GALNTL6: variants seen among roughly 807,000 people sequenced by gnomAD.
GALNTL6 encodes the protein polypeptide N-acetylgalactosaminyltransferase like 6, also known as polypeptide N-acetylgalactosaminyltransferase-like 6.
Under a neutral mutation model 73.7 loss-of-function variants are expected in GALNTL6, and 46 were observed. That is an observed-to-expected ratio of 0.62 (90% CI 0.49 to 0.80). The LOEUF is 0.80. Ranked by LOEUF, GALNTL6 falls within the 30% of genes least tolerant of loss-of-function variation. The pLI is 0.00. For missense variants in GALNTL6, 604 were observed against 755.0 expected (o/e 0.80, Z 2.34); for synonymous variants, 259 against 263.7 (o/e 0.98, Z 0.17).
intron 5 of GALNTL6, among the ~76,000 whole-genome samples, chr4:172,615,923 G>C (rs2111059574): frequency 6.6e-6 from 1 of 152,216 alleles, no homozygotes; most frequent in Non-Finnish European, 1.5e-5. Context: ...GCTAACACCT[G>C]ACTCTCTTGC....
At chr4:171,815,071 G>A (rs1311008617) in intron 2 of GALNTL6, 19 of 375,244 alleles carry the variant, frequency 5.1e-5, no homozygotes, top group Non-Finnish European at 8.5e-5. Context: ...ACAAGGATAG[G>A]TTTTTGCTTT....
chr4:172,267,970 C>T (rs1284291627), intron 3 of GALNTL6, among the ~76,000 whole-genome samples: 1 of 152,106 alleles, frequency 6.6e-6, no homozygotes, highest in East Asian at 1.9e-4. Flanking sequence ...CCAACATATG[C>T]AGTTGTTGAG....
At chr4:171,875,886 G>T (rs780070619) in intron 2 of GALNTL6, among the ~76,000 whole-genome samples, 1 of 151,394 alleles carries the variant, frequency 6.6e-6, no homozygotes, top group Admixed American at 6.6e-5. Flanking sequence ...TAAGATTACA[G>T]ACTAAAACCC....
chr4:172,230,709 A>G (rs1560980891), intron 3 of GALNTL6, among the ~76,000 whole-genome samples: 1 of 152,304 alleles, frequency 6.6e-6, no homozygotes, highest in East Asian at 1.9e-4. Context: ...AACTCATGAT[A>G]GGAAGCCCAT....
intron 10 of GALNTL6, among the ~76,000 whole-genome samples, chr4:172,962,360 T>G (rs1312027840): frequency 6.6e-6 from 1 of 152,224 alleles, no homozygotes; most frequent in Non-Finnish European, 1.5e-5. Context: ...GTAATTAACA[T>G]TAGTATAATA....
In GALNTL6 at chr4:172,708,837, CT is replaced by C. The variant is rs1000764166; in HGVS notation, c.554-100517del. On this transcript the variant is annotated intron_variant, in intron 5 of 12. Transcript: ENST00000506823. ...TGTGAAAAATCTTCATCCAAGTTTT[CT>C]TTTTTTCCAATTCAGATCTCTTTCA... Among the ~76,000 whole-genome samples, 26 of 152,118 alleles carry C rather than the reference CT, an allele frequency of 1.7e-4. 1 individual carries two copies. The highest frequency in any genetic ancestry group is 6.6e-5 in the Admixed American group (1 of 15,262).
intron 10 of GALNTL6, 92 bp from the exon 11 acceptor site, chr4:173,009,086 C>T: frequency 1.2e-6 from 1 of 813,812 alleles, no homozygotes; most frequent in Middle Eastern, 2.3e-4. Flanking sequence ...AAAAGATAAT[C>T]TATGTCTTAC....
intron 5 of GALNTL6, among the ~76,000 whole-genome samples, chr4:172,350,321 G>A (rs1439835229): frequency 7.9e-5 from 12 of 152,156 alleles, no homozygotes; most frequent in Non-Finnish European, 1.5e-5. Flanking sequence ...ATATTTCTCA[G>A]AGGTATTTTT....
chr4:172,035,422 A>G (rs1211490728), intron 2 of GALNTL6, among the ~76,000 whole-genome samples: 2 of 152,110 alleles, frequency 1.3e-5, no homozygotes, highest in Admixed American at 1.3e-4. Context: ...TTCCTGGCCT[A>G]TTACTAACAC....
intron 2 of GALNTL6, among the ~76,000 whole-genome samples, chr4:171,897,570 C>A (rs1736958165): frequency 6.6e-6 from 1 of 152,086 alleles, no homozygotes; most frequent in Admixed American, 6.5e-5. Context: ...CGCCTGCAAT[C>A]CCAGCACTTT....
At chr4:172,123,580 C>A (rs1733212228) in intron 2 of GALNTL6, among the ~76,000 whole-genome samples, 1 of 145,178 alleles carries the variant, frequency 6.9e-6, no homozygotes, top group African/African-American at 2.5e-5. Flanking sequence ...CGGCTCACTG[C>A]AACCTCCATC....
intron 5 of GALNTL6, among the ~76,000 whole-genome samples, chr4:172,586,197 A>G (rs1737402295): frequency 6.6e-6 from 1 of 152,190 alleles, no homozygotes. Context: ...CTTATTCTTT[A>G]TATCCCTTGC....
intron 8 of GALNTL6, among the ~76,000 whole-genome samples, chr4:172,893,638 C>T (rs1349970908): frequency 6.6e-6 from 1 of 152,200 alleles, no homozygotes; most frequent in Non-Finnish European, 1.5e-5. Context: ...GATGCACCCC[C>T]GTCCCACGGA....
At chr4:172,093,958 C>T (rs1416651394) in intron 2 of GALNTL6, among the ~76,000 whole-genome samples, 1 of 152,102 alleles carries the variant, frequency 6.6e-6, no homozygotes, top group Non-Finnish European at 1.5e-5. Context: ...AAATAAAGTG[C>T]ACAATAAATA....
chr4:173,015,758 T>A (rs1380661442), intron 11 of GALNTL6, among the ~76,000 whole-genome samples: 1 of 152,196 alleles, frequency 6.6e-6, no homozygotes, highest in Admixed American at 6.5e-5. Context: ...TTTCTGGAGA[T>A]AAATTCCAGC....
chr4:172,705,614 G>A (rs941646767), intron 5 of GALNTL6, among the ~76,000 whole-genome samples: 4 of 151,576 alleles, frequency 2.6e-5, no homozygotes, highest in Non-Finnish European at 5.9e-5. Flanking sequence ...TTTTTTGGTT[G>A]TATGTTGGTA....
chr4:172,682,098 C>T (rs1381762484), intron 5 of GALNTL6, among the ~76,000 whole-genome samples: 4 of 152,096 alleles, frequency 2.6e-5, no homozygotes, highest in Non-Finnish European at 5.9e-5. Flanking sequence ...GGAGGAGACA[C>T]AGTAATATGA....
intron 2 of GALNTL6, among the ~76,000 whole-genome samples, chr4:171,832,289 T>C (rs1186152918): frequency 6.8e-6 from 1 of 148,102 alleles, no homozygotes; most frequent in Non-Finnish European, 1.5e-5. Flanking sequence ...ATATATGTTT[T>C]CAGTCTTTTA....
In GALNTL6 at chr4:172,206,805, G is replaced by GTT. The variant is rs778156050; in HGVS notation, c.139-22844_139-22843dup. Among the ~76,000 whole-genome samples, 29 of 26,170 alleles carry GTT rather than the reference G, an allele frequency of 1.1e-3. 2 individuals are homozygous for GTT. Among genetic ancestry groups the GTT allele is most frequent in the African/African-American group, 2.5e-3 (26 of 10,552 alleles). The allele number at this position is 26,170 out of a possible 152,430, so 17.2% of individuals were successfully genotyped here. A position where few individuals can be genotyped will look rare whatever the true frequency, so the allele number is the denominator to read the frequency against. On this transcript the variant is annotated intron_variant, in intron 2 of 12. Transcript: ENST00000506823. Reference sequence around the variant, plus strand: ...TTGTTTTGTTTTGTTTTGTTTTTCTGTTTTTTTTGTTTGTTTTTTTTTTTT... The same window carrying GTT: ...TTGTTTTGTTTTGTTTTGTTTTTCTGTTTTTTTTTTGTTTGTTTTTTTTTTTT...
Sources: gnomAD v4.1 joint callset for allele counts (sites outside exome capture counted in the v4.1 genomes callset) on GRCh38, gnomAD v4.1.1 for gene constraint, MANE v1.5 for transcripts, NCBI Gene and HGNC (gene_info 2026-07-23, HGNC 2026-07-21) for gene names.